Variants in ITPK1 observed in about 807,000 individuals in gnomAD.
ITPK1 encodes the protein inositol-tetrakisphosphate 1-kinase.
In ITPK1, 21 loss-of-function variants were observed where a neutral mutation model predicts 45.3. The observed-to-expected ratio is 0.46, with a 90% CI of 0.33 to 0.67. The LOEUF is 0.67. Ranked by LOEUF, ITPK1 falls within the 30% of genes least tolerant of loss-of-function variation. ITPK1 has a pLI of 0.02. For synonymous variants in ITPK1, 258 were observed against 253.6 expected (o/e 1.02, Z -0.16); for missense variants, 474 against 573.5 (o/e 0.83, Z 1.77).
intron 3 of ITPK1, among the ~76,000 whole-genome samples, chr14:93,030,977 G>A (rs539371895): frequency 4.6e-5 from 7 of 152,310 alleles, no homozygotes; most frequent in Non-Finnish European, 1.0e-4. Context: ...AAGATGGCTG[G>A]CAATCCACCC....
At chr14:93,085,021 C>A (rs924379627) in intron 2 of ITPK1, among the ~76,000 whole-genome samples, 1 of 152,238 alleles carries the variant, frequency 6.6e-6, no homozygotes, top group Non-Finnish European at 1.5e-5. Context: ...CTGGGCCTGG[C>A]AGGCTCTCTG....
At chr14:93,105,522 CT>C (rs11285368) in intron 2 of ITPK1, among the ~76,000 whole-genome samples, 88,647 of 100,080 alleles carry the variant, frequency 0.89, 39,025 homozygotes, top group Middle Eastern at 0.92. Flanking sequence ...GCCCCTGGAG[CT>C]TTTTTTTTTT....
chr14:93,047,875 T>C lies in ITPK1; in HGVS notation c.120+28720A>G, dbSNP rs1889849614. On this transcript the variant is annotated intron_variant, in intron 3 of 10. Transcript: ENST00000267615. ...AGGGGATGAAGCTGCAGGCAACCAG[T>C]TTCACATGACTTGGCACAAGCCCAC... Among the ~76,000 whole-genome samples the C allele has an allele frequency of 2.0e-5, 3 of 152,170 alleles. No homozygotes were observed. In the South Asian group the frequency reaches 6.2e-4, roughly 32 times the overall value.
At chr14:92,997,497 G>T (rs1002912821) in intron 4 of ITPK1, among the ~76,000 whole-genome samples, 1 of 152,208 alleles carries the variant, frequency 6.6e-6, no homozygotes, top group Admixed American at 6.5e-5. Flanking sequence ...AACAGAGAGG[G>T]CAAAGAATTT....
At chr14:92,951,117 A>G (rs1887934730) in intron 9 of ITPK1, among the ~76,000 whole-genome samples, 1 of 152,242 alleles carries the variant, frequency 6.6e-6, no homozygotes, top group Non-Finnish European at 1.5e-5. Context: ...AGACCAGCAA[A>G]GCCCCCCAGA....
rs541092520 is a variant in ITPK1 at position 92,979,790 on chromosome 14, CCA to C, written c.364+14088_364+14089del. On this transcript the variant is annotated intron_variant, in intron 5 of 10. Coordinates refer to ENST00000267615, the MANE Select transcript of ITPK1 (RefSeq NM_014216.6). ...TCTTCATAATTTCTTCATAAATTAC[CCA>C]CTCTCAGGTAGGTTTTTTTTAATCC... 2.6e-5 allele frequency among the ~76,000 whole-genome samples: 4 copies of C among 151,914 alleles called. No individual in the cohort carries two copies. The South Asian group carries it at 8.3e-4, about 32-fold the overall frequency.
chr14:92,948,683 G>A (rs1887799034), intron 9 of ITPK1, among the ~76,000 whole-genome samples: 1 of 152,116 alleles, frequency 6.6e-6, no homozygotes, highest in South Asian at 2.1e-4. Flanking sequence ...GACAGGGCTG[G>A]GGACAGAGCC....
chr14:93,099,783 C>T (rs1028344737), intron 2 of ITPK1, among the ~76,000 whole-genome samples: 1 of 152,138 alleles, frequency 6.6e-6, no homozygotes, highest in Non-Finnish European at 1.5e-5. Flanking sequence ...AATTCTGGAA[C>T]CCCAAGCAGA....
intron 4 of ITPK1, among the ~76,000 whole-genome samples, chr14:93,002,053 A>C (rs1392944005): frequency 6.6e-6 from 1 of 152,166 alleles, no homozygotes; most frequent in Non-Finnish European, 1.5e-5. Flanking sequence ...CTCATTTGAC[A>C]ATCAAAGAAA....
rs941129499 is a variant in ITPK1 at position 92,979,630 on chromosome 14, GCT to G, written c.364+14248_364+14249del. 7.2e-5 allele frequency among the ~76,000 whole-genome samples: 11 copies of G among 152,058 alleles called. 1 individual carries two copies. The highest frequency in any genetic ancestry group is 2.2e-4 in the African/African-American group (9 of 41,468). ...TCTAGCATGTCGCACTTCCCCTTTTGCTCTGTTTCTCTCTCCTGCTGCCACGT... is the reference window on the plus strand; with the variant it reads ...TCTAGCATGTCGCACTTCCCCTTTTGCTGTTTCTCTCTCCTGCTGCCACGT... On this transcript the variant is annotated intron_variant, in intron 5 of 10. Coordinates refer to ENST00000267615, the MANE Select transcript of ITPK1 (RefSeq NM_014216.6).
intron 4 of ITPK1, among the ~76,000 whole-genome samples, chr14:93,005,788 C>T (rs1215137432): frequency 1.3e-5 from 2 of 152,246 alleles, no homozygotes; most frequent in Admixed American, 6.5e-5. Context: ...CTATTCACTA[C>T]AGCATGTTTC....
intron 2 of ITPK1, among the ~76,000 whole-genome samples, chr14:93,089,230 G>A (rs1321985684): frequency 1.3e-5 from 2 of 152,166 alleles, no homozygotes; most frequent in Non-Finnish European, 2.9e-5. Flanking sequence ...TGAAGGGCCC[G>A]GAAGGCACTT....
At chr14:92,997,818 C>T (rs768771103) in intron 4 of ITPK1, among the ~76,000 whole-genome samples, 4 of 152,230 alleles carry the variant, frequency 2.6e-5, no homozygotes, top group Non-Finnish European at 5.9e-5. Context: ...GGCTGGAACA[C>T]ACCTGGGGCA....
intron 3 of ITPK1, among the ~76,000 whole-genome samples, chr14:93,067,078 C>G (rs1000097100): frequency 2.0e-5 from 3 of 152,242 alleles, no homozygotes; most frequent in East Asian, 1.9e-4. Context: ...AATGCCAGGA[C>G]AGTCAGCTAC....
Position 92,946,507 on chromosome 14 carries a change from C to A in ITPK1, c.739-14G>T. The A allele has an allele frequency of 6.2e-7, 1 of 1,611,396 alleles. No individual in the cohort carries two copies. The highest frequency in any genetic ancestry group is 8.5e-7 in the Non-Finnish European group (1 of 1,179,522). On this transcript the variant is annotated splice_polypyrimidine_tract_variant and intron_variant, in intron 9 of 10. Coordinates refer to ENST00000267615, the MANE Select transcript of ITPK1 (RefSeq NM_014216.6). ...GATCTTGTCCAGCTGCCAACATACA[C>A]AAGGAAGTCAGGCCATGGGCCGAGG...
In ITPK1 at chr14:93,032,222, T is replaced by C. The variant is rs1889097651; in HGVS notation, c.121-15421A>G. ...AAAATTAGCTGGGCATGGTGGTGCA[T>C]GCCTGCAATCCCAGCTACTCGGAAG... On this transcript the variant is annotated intron_variant, in intron 3 of 10. Transcript: ENST00000267615. This position sits in a 1 kb window ranked among gnomAD's most constrained non-coding sequence, Gnocchi z 4.0. 1.3e-5 allele frequency among the ~76,000 whole-genome samples: 2 copies of C among 152,102 alleles called. No individual in the cohort carries two copies. Among genetic ancestry groups the C allele is most frequent in the African/African-American group, 4.8e-5 (2 of 41,400 alleles).
At chr14:93,026,252 C>T (rs781122793) in intron 3 of ITPK1, among the ~76,000 whole-genome samples, 1 of 152,178 alleles carries the variant, frequency 6.6e-6, no homozygotes, top group African/African-American at 2.4e-5. Flanking sequence ...TCACAAATGA[C>T]TAATCTCTCT....
At chr14:93,098,765 G>A (rs977101599) in intron 2 of ITPK1, among the ~76,000 whole-genome samples, 3 of 152,150 alleles carry the variant, frequency 2.0e-5, no homozygotes, top group Non-Finnish European at 2.9e-5. Flanking sequence ...CTGTCCACAC[G>A]GCCGCAACCA....
chr14:92,952,053 A>G lies in ITPK1; in HGVS notation c.671-40T>C, dbSNP rs1302417190. On this transcript the variant is annotated intron_variant, in intron 8 of 10. Coordinates refer to ENST00000267615, the MANE Select transcript of ITPK1 (RefSeq NM_014216.6). ...GGAAGGAGCCGGCGTTAGAACCTCA[A>G]TGCAGGGACCACACTGCCGCCACCT... 3.3e-6 allele frequency: 5 copies of G among 1,500,546 alleles called. No homozygotes were observed. The Admixed American group carries it at 9.8e-5, about 29-fold the overall frequency. 93.0% of individuals were successfully genotyped at this position (1,500,546 alleles called of 1,614,324 possible).
Sources: allele counts gnomAD v4.1 joint callset (sites outside exome capture counted in the v4.1 genomes callset), GRCh38; gene constraint gnomAD v4.1.1; non-coding constraint Gnocchi (gnomAD v3.1); transcripts MANE v1.5; gene names NCBI Gene and HGNC (gene_info 2026-07-23, HGNC 2026-07-21).